The following SSBP2 variants were observed in gnomAD, a reference collection of about 807,000 sequenced individuals.
SSBP2 encodes the protein single-stranded DNA-binding protein 2.
SSBP2 carries 17 observed loss-of-function variants against 61.8 expected under a neutral mutation model. The observed-to-expected ratio is 0.28, with a 90% CI of 0.19 to 0.41. SSBP2 has a LOEUF of 0.41. Ranked by LOEUF, SSBP2 falls within the 10% of genes least tolerant of loss-of-function variation. SSBP2 has a pLI of 1.00. For missense variants in SSBP2, 310 were observed against 458.7 expected (o/e 0.68, Z 2.96); for synonymous variants, 139 against 141.3 (o/e 0.98, Z 0.12).
chr5:81,683,469 C>CA (rs1554111985), intron 1 of SSBP2, among the ~76,000 whole-genome samples: 2 of 151,944 alleles, frequency 1.3e-5, no homozygotes, highest in African/African-American at 4.8e-5. Flanking sequence ...GTGCCCTTCA[C>CA]AAAAAAATTA....
intron 4 of SSBP2, among the ~76,000 whole-genome samples, chr5:81,594,150 T>C (rs12519223): frequency 0.24 from 37,232 of 152,008 alleles, 6,066 homozygotes; most frequent in East Asian, 0.69. Flanking sequence ...GAAGAAGATC[T>C]ACCAAGCAAA....
chr5:81,453,677 C>T (rs1381944515), intron 10 of SSBP2, among the ~76,000 whole-genome samples: 1 of 151,896 alleles, frequency 6.6e-6, no homozygotes, highest in Non-Finnish European at 1.5e-5. Context: ...AGGATGGTCT[C>T]GATCTCCTGA....
At chr5:81,613,757 A>C (rs559981782) in intron 4 of SSBP2, among the ~76,000 whole-genome samples, 2 of 152,298 alleles carry the variant, frequency 1.3e-5, no homozygotes, top group Non-Finnish European at 2.9e-5. Flanking sequence ...CGCATCTCTT[A>C]GTATAAGGAA....
intron 3 of SSBP2, among the ~76,000 whole-genome samples, chr5:81,630,356 C>A (rs1244547909): frequency 6.6e-6 from 1 of 152,122 alleles, no homozygotes; most frequent in Admixed American, 6.6e-5. Context: ...TAGCGAAACA[C>A]AATAATCAGG....
chr5:81,545,158 T>C (rs1771633476), intron 4 of SSBP2, among the ~76,000 whole-genome samples: 1 of 152,214 alleles, frequency 6.6e-6, no homozygotes, highest in African/African-American at 2.4e-5. Context: ...CATATTTTTT[T>C]AGTATAAGTA....
intron 4 of SSBP2, among the ~76,000 whole-genome samples, chr5:81,524,528 T>C (rs1057260475): frequency 6.6e-6 from 1 of 152,106 alleles, no homozygotes; most frequent in African/African-American, 2.4e-5. Flanking sequence ...AAATGACTAT[T>C]TCATTTTGGA....
intron 6 of SSBP2, among the ~76,000 whole-genome samples, chr5:81,477,844 T>C (rs1054253040): frequency 1.3e-5 from 2 of 152,166 alleles, no homozygotes; most frequent in African/African-American, 2.4e-5. Context: ...GGGTTTAGAC[T>C]GACAATTTTA....
intron 4 of SSBP2, among the ~76,000 whole-genome samples, chr5:81,519,094 C>G (rs1206926097): frequency 6.6e-6 from 1 of 152,042 alleles, no homozygotes; most frequent in Non-Finnish European, 1.5e-5. Context: ...GCTTGAGCAT[C>G]AGGATTATTC....
At chr5:81,443,811 C>T (rs571562468) in intron 12 of SSBP2, among the ~76,000 whole-genome samples, 40 of 152,346 alleles carry the variant, frequency 2.6e-4, no homozygotes, top group Middle Eastern at 3.4e-3. Flanking sequence ...ATCTGCCCAC[C>T]TTGGCCTCCC....
At chr5:81,717,972 C>T (rs935228108) in intron 1 of SSBP2, among the ~76,000 whole-genome samples, 1 of 152,144 alleles carries the variant, frequency 6.6e-6, no homozygotes, top group Non-Finnish European at 1.5e-5. Flanking sequence ...CTGACGCATG[C>T]TGGTGCCTCT....
At chr5:81,448,545 T>C (rs772719506) in intron 11 of SSBP2, among the ~76,000 whole-genome samples, 2 of 152,148 alleles carry the variant, frequency 1.3e-5, no homozygotes, top group African/African-American at 2.4e-5. Context: ...ACAGAGTGTA[T>C]TGTACTGGTT....
At chr5:81,422,217 A>C (rs1296236287) in intron 16 of SSBP2, among the ~76,000 whole-genome samples, 1 of 152,140 alleles carries the variant, frequency 6.6e-6, no homozygotes, top group Non-Finnish European at 1.5e-5. Flanking sequence ...ACTTTTCAGA[A>C]AGTTGGCAGA....
intron 4 of SSBP2, among the ~76,000 whole-genome samples, chr5:81,567,991 C>A (rs764040312): frequency 6.6e-6 from 1 of 152,066 alleles, no homozygotes; most frequent in Non-Finnish European, 1.5e-5. Flanking sequence ...GAGGAAGGAA[C>A]TTGATGGAGG....
At chr5:81,432,202 A>G (rs1762332333) in intron 15 of SSBP2, among the ~76,000 whole-genome samples, 1 of 152,152 alleles carries the variant, frequency 6.6e-6, no homozygotes, top group Admixed American at 6.5e-5. Flanking sequence ...AACTCAGGTC[A>G]GCACACATGA....
intron 16 of SSBP2, among the ~76,000 whole-genome samples, chr5:81,421,597 G>A (rs1761617802): frequency 6.6e-6 from 1 of 152,118 alleles, no homozygotes; most frequent in African/African-American, 2.4e-5. Flanking sequence ...AAAAGGTGAG[G>A]GTTTCAGAGA....
At chr5:81,679,073 A>G (rs1186474537) in intron 1 of SSBP2, among the ~76,000 whole-genome samples, 1 of 152,212 alleles carries the variant, frequency 6.6e-6, no homozygotes, top group Non-Finnish European at 1.5e-5. Flanking sequence ...GCAAAGGCAC[A>G]ATCTCAGCTA....
At chr5:81,609,947 T>C (rs894363908) in intron 4 of SSBP2, among the ~76,000 whole-genome samples, 4 of 152,200 alleles carry the variant, frequency 2.6e-5, no homozygotes, top group African/African-American at 9.6e-5. Flanking sequence ...TCAACCACCC[T>C]TGCATACTCT....
At chr5:81,535,856 T>C (rs1770762973) in intron 4 of SSBP2, among the ~76,000 whole-genome samples, 1 of 151,758 alleles carries the variant, frequency 6.6e-6, no homozygotes, top group African/African-American at 2.4e-5. Context: ...TAAGATACAA[T>C]ACCAAAGGCA....
At chr5:81,551,404 G>A (rs771565984) in intron 4 of SSBP2, among the ~76,000 whole-genome samples, 3 of 151,922 alleles carry the variant, frequency 2.0e-5, no homozygotes, top group Non-Finnish European at 2.9e-5. Context: ...AAGCACCTTA[G>A]GTATCCATTT....
Sources: gnomAD v4.1 joint callset for allele counts (sites outside exome capture counted in the v4.1 genomes callset) on GRCh38, gnomAD v4.1.1 for gene constraint, MANE v1.5 for transcripts, NCBI Gene and HGNC (gene_info 2026-07-23, HGNC 2026-07-21) for gene names.